The following ARHGEF18 variants were observed in gnomAD, a reference collection of about 807,000 sequenced individuals.
ARHGEF18 encodes Rho/Rac guanine nucleotide exchange factor 18.
ARHGEF18 carries 93 observed loss-of-function variants against 155.7 expected under a neutral mutation model. That is an observed-to-expected ratio of 0.60 (90% CI 0.50 to 0.71). The LOEUF (loss-of-function observed/expected upper bound fraction) is 0.71, where lower values mean the gene tolerates loss of function less well. Ranked by LOEUF, ARHGEF18 falls within the 30% of genes least tolerant of loss-of-function variation. The pLI, the probability that ARHGEF18 is intolerant of heterozygous loss-of-function variation, is 0.00. For missense variants in ARHGEF18, 1,593 were observed against 1,816.1 expected, an observed-to-expected ratio of 0.88 and a Z score of 2.23; for synonymous variants, 742 against 753.1, an observed-to-expected ratio of 0.99 and a Z score of 0.24.
At chr19:7,359,998 T>C (rs1202099054) in intron 1 of ARHGEF18, among the ~76,000 whole-genome samples, 1 of 151,896 alleles carries the variant, frequency 6.6e-6, no homozygotes, top group Non-Finnish European at 1.5e-5. Context: ...CAACTAAAAA[T>C]GCAAAAATTA....
intron 1 of ARHGEF18, among the ~76,000 whole-genome samples, 174 bp downstream of exon 1, chr19:7,349,415 G>A (rs1969104400): frequency 1.3e-5 from 2 of 152,050 alleles, no homozygotes; most frequent in Admixed American, 1.3e-4. Context: ...TGCGTTCATT[G>A]TGCAGAGATC....
intron 23 of ARHGEF18, 88 bp downstream of exon 23, chr19:7,464,778 T>A: frequency 6.6e-7 from 1 of 1,525,360 alleles, no homozygotes; most frequent in Non-Finnish European, 8.9e-7. Context: ...TGTCCAGTTT[T>A]AGTCTTATTA....
intron 10 of ARHGEF18, among the ~76,000 whole-genome samples, chr19:7,389,317 A>AT (rs1203819709): frequency 0.086 from 9,754 of 112,980 alleles, 616 homozygotes; most frequent in East Asian, 0.18. Context: ...TACCAGGATA[A>AT]TTTTTTTTTT....
chr19:7,395,315 G>A lies in ARHGEF18; in HGVS notation c.967+12112G>A, dbSNP rs1480161747. 7.1e-6 allele frequency: 7 copies of A among 985,514 alleles called. No homozygotes were observed. In the African/African-American group the frequency reaches 1.2e-4, roughly 17 times the overall value. The allele number at this position is 985,514 out of a possible 1,614,324, so 61.0% of individuals were successfully genotyped here. Reference sequence around the variant, plus strand: ...GGAGGGGGCCCTCGGTCTCTTCAGGGGGTGGCCTGGGGCGCGGGACCCCCG... The same window carrying A: ...GGAGGGGGCCCTCGGTCTCTTCAGGAGGTGGCCTGGGGCGCGGGACCCCCG... On this transcript the variant is annotated intron_variant, in intron 10 of 28. Transcript: ENST00000668164. The surrounding 1 kb of genome is among the most constrained non-coding windows in gnomAD (Gnocchi z 5.0).
chr19:7,352,694 C>G (rs759027260), intron 1 of ARHGEF18, among the ~76,000 whole-genome samples: 1 of 150,026 alleles, frequency 6.7e-6, no homozygotes, highest in Admixed American at 6.7e-5. Context: ...CCACCACGCC[C>G]GGCTATTTTT....
chr19:7,379,261 G>A, intron 7 of ARHGEF18, 95 bp downstream of exon 7: 2 of 1,123,610 alleles, frequency 1.8e-6, no homozygotes, highest in Non-Finnish European at 2.2e-6. Flanking sequence ...GACAGGGGTA[G>A]AGAAGACTGG....
intron 10 of ARHGEF18, among the ~76,000 whole-genome samples, chr19:7,393,321 G>A (rs867866228): frequency 2.0e-5 from 3 of 152,142 alleles, no homozygotes; most frequent in Non-Finnish European, 4.4e-5. Context: ...CTTCTGAACT[G>A]GGGACTCTCA....
At chr19:7,468,378 C>CT (rs1209236978) in intron 26 of ARHGEF18, among the ~76,000 whole-genome samples, 1 of 140,118 alleles carries the variant, frequency 7.1e-6, no homozygotes, top group Non-Finnish European at 1.5e-5. Context: ...GACCTCATCT[C>CT]TAAAAAAAAA....
chr19:7,396,783 C>T (rs541801426), intron 10 of ARHGEF18, among the ~76,000 whole-genome samples: 44 of 151,592 alleles, frequency 2.9e-4, no homozygotes, highest in Admixed American at 2.8e-3. Flanking sequence ...GTCCCAGTTC[C>T]ACCACCTGTT....
rs1459314187 is a variant in ARHGEF18, at chr19:7,462,478, C to T, written c.2635+144C>T. 3.0e-6 allele frequency: 3 copies of T among 1,016,852 alleles called. No homozygotes were observed. Among genetic ancestry groups the T allele is most frequent in the African/African-American group, 3.3e-5 (2 of 61,230 alleles). The allele number at this position is 1,016,852 out of a possible 1,614,324, so 63.0% of individuals were successfully genotyped here. A position where few individuals can be genotyped will look rare whatever the true frequency, so the allele number is the denominator to read the frequency against. ...CTATGTGGGGGGGGCCCAGGAGCAG[C>T]ACTGACCGCCCCCCGGTGCCTGTGA... On this transcript the variant is annotated intron_variant, in intron 21 of 28. Transcript: ENST00000668164. The surrounding 1 kb of genome is among the most constrained non-coding windows in gnomAD (Gnocchi z 4.4).
In ARHGEF18 at chr19:7,465,173, G is replaced by A. The variant is rs113526796; in HGVS notation, c.2904+483G>A. On this transcript the variant is annotated intron_variant, in intron 23 of 28. Coordinates refer to ENST00000668164, the MANE Select transcript of ARHGEF18 (RefSeq NM_001367823.1). ...CCCCTGTGGCCAGAGCTGGCACGCA[G>A]GCCTCATAGCCAAGCCCACTCTACC... 4.3e-3 allele frequency among the ~76,000 whole-genome samples: 660 copies of A among 152,298 alleles called. 5 individuals carry two copies. The highest frequency in any genetic ancestry group is 0.015 in the African/African-American group (622 of 41,576).
At chr19:7,354,716 C>G (rs915626518) in intron 1 of ARHGEF18, among the ~76,000 whole-genome samples, 3 of 144,322 alleles carry the variant, frequency 2.1e-5, no homozygotes, top group African/African-American at 7.4e-5. Context: ...GCCTGGGCAA[C>G]ATAGTGAGAC....
At chr19:7,417,858 G>A (rs1045533330) in intron 10 of ARHGEF18, among the ~76,000 whole-genome samples, 1 of 152,166 alleles carries the variant, frequency 6.6e-6, no homozygotes, top group African/African-American at 2.4e-5. Flanking sequence ...TGAGGAGATA[G>A]CCTGGGTGGG....
intron 10 of ARHGEF18, among the ~76,000 whole-genome samples, chr19:7,416,174 G>A (rs1167345037): frequency 6.6e-6 from 1 of 152,162 alleles, no homozygotes; most frequent in Admixed American, 6.5e-5. Flanking sequence ...TAGGCAGGAG[G>A]ATTAGTTGAG....
intron 10 of ARHGEF18, among the ~76,000 whole-genome samples, chr19:7,430,830 A>G (rs939991691): frequency 5.1e-4 from 77 of 152,064 alleles, no homozygotes; most frequent in Non-Finnish European, 1.5e-5. Flanking sequence ...ATAAAATAGA[A>G]CAATAATGCC....
At chr19:7,456,454 C>T (rs749129643) in intron 18 of ARHGEF18, 51 bp downstream of exon 18, 14 of 1,544,008 alleles carry the variant, frequency 9.1e-6, no homozygotes, top group East Asian at 4.5e-5. Context: ...CTGTGGCTCA[C>T]GTCTATAATC....
chr19:7,426,764 G>A (rs897729562), intron 10 of ARHGEF18, among the ~76,000 whole-genome samples: 3 of 152,214 alleles, frequency 2.0e-5, no homozygotes, highest in African/African-American at 4.8e-5. Flanking sequence ...CCAGCTAGCA[G>A]CAAGTGTGTT....
chr19:7,376,073 G>A (rs75585167), intron 4 of ARHGEF18, among the ~76,000 whole-genome samples: 2 of 152,118 alleles, frequency 1.3e-5, no homozygotes, highest in Non-Finnish European at 2.9e-5. Context: ...GGATTTCCCT[G>A]GGTAAGCATC....
intron 10 of ARHGEF18, among the ~76,000 whole-genome samples, chr19:7,416,605 G>GTTTTTT (rs71179109): frequency 2.2e-5 from 2 of 90,434 alleles, no homozygotes; most frequent in African/African-American, 4.2e-5. Context: ...TTTTATTTGG[G>GTTTTTT]TTTTTTTTTT....
Sources: gnomAD v4.1 joint callset for allele counts (sites outside exome capture counted in the v4.1 genomes callset) on GRCh38, gnomAD v4.1.1 for gene constraint, Gnocchi (gnomAD v3.1) non-coding constraint, MANE v1.5 for transcripts, NCBI Gene and HGNC (gene_info 2026-07-23, HGNC 2026-07-21) for gene names.